The following UGT1A8 variants were observed in gnomAD, a reference collection of about 807,000 sequenced individuals.
UGT1A8 encodes the protein UDP-glucuronosyltransferase 1A8.
UGT1A8 carries 39 observed loss-of-function variants against 45.3 expected under a neutral mutation model. The ratio of observed to expected loss-of-function variants is 0.86; its 90% confidence interval spans 0.67 to 1.12. UGT1A8 has a LOEUF of 1.12. UGT1A8 is among the 50% of genes most tolerant of loss of function. UGT1A8 has a pLI of 0.00. For missense variants in UGT1A8, 719 were observed against 664.9 expected, an observed-to-expected ratio of 1.08 and a Z score of -0.90; for synonymous variants, 275 against 249.2, an observed-to-expected ratio of 1.10 and a Z score of -0.97.
In UGT1A8 at chr2:233,768,390, A is replaced by G. The variant is rs774573761; in HGVS notation, c.1246A>G (p.Thr416Ala). ...AGVTLNVLEM[T>A]SEDLENALKA... Reference sequence around the variant, plus strand: ...AGTGACCCTGAATGTTCTGGAAATGACTTCTGAAGATTTAGAAAATGCTCT... The same window carrying G: ...AGTGACCCTGAATGTTCTGGAAATGGCTTCTGAAGATTTAGAAAATGCTCT... The change falls in exon 4 of 5, where the codon ACT becomes GCT. Residue 416 changes from threonine (T) to alanine (A), a missense_variant. Thr to Ala is a moderately conservative substitution (Grantham distance 58, BLOSUM62 0). Coordinates refer to ENST00000373450, the MANE Select transcript of UGT1A8 (RefSeq NM_019076.5). The G allele has an allele frequency of 6.2e-7, 1 of 1,614,202 alleles. No homozygotes were observed. Among genetic ancestry groups the G allele is most frequent in the South Asian group, 1.1e-5 (1 of 91,080 alleles).
At chr2:233,705,712 T>A (rs2125601451) in intron 1 of UGT1A8, among the ~76,000 whole-genome samples, 1 of 152,350 alleles carries the variant, frequency 6.6e-6, no homozygotes, top group Admixed American at 6.5e-5. Flanking sequence ...ACCAGTATAT[T>A]GTTATCTTTT....
chr2:233,693,423 A>G (rs769066377), intron 1 of UGT1A8: 10 of 1,614,114 alleles, frequency 6.2e-6, no homozygotes, highest in Non-Finnish European at 8.5e-6. Flanking sequence ...AACTTCTTTA[A>G]GGAGAGCAAG....
chr2:233,725,634 A>G (rs2077463990), intron 1 of UGT1A8, among the ~76,000 whole-genome samples: 1 of 152,208 alleles, frequency 6.6e-6, no homozygotes, highest in Non-Finnish European at 1.5e-5. Flanking sequence ...TCTAGCATAT[A>G]TCTGACATTT....
chr2:233,643,452 G>C (rs1246752883), intron 1 of UGT1A8, among the ~76,000 whole-genome samples: 1 of 152,014 alleles, frequency 6.6e-6, no homozygotes, highest in African/African-American at 2.4e-5. Flanking sequence ...AAGGCAGTGG[G>C]CTCCCCTCTA....
At chr2:233,673,894 T>C (rs993118283) in intron 1 of UGT1A8, among the ~76,000 whole-genome samples, 1 of 152,240 alleles carries the variant, frequency 6.6e-6, no homozygotes, top group Non-Finnish European at 1.5e-5. Context: ...TTTATACCAC[T>C]TATTTTGCTT....
At chr2:233,678,564 T>C (rs911600844) in intron 1 of UGT1A8, among the ~76,000 whole-genome samples, 10 of 152,200 alleles carry the variant, frequency 6.6e-5, no homozygotes, top group African/African-American at 2.4e-4. Flanking sequence ...TATACAGTAC[T>C]AATCCTTCTT....
At position 233,725,224 on chromosome 2, in the gene UGT1A8, CAGAGGCAGA is replaced by C. The variant is rs1559370411; in HGVS notation, c.856-41809_856-41801del. On this transcript the variant is annotated intron_variant, in intron 1 of 4. Transcript: ENST00000373450. ...GAGGCAGAGGCAGAGGCAGAGGAGG[CAGAGGCAGA>C]GGAGGCAGAGGCAGAGGAGGCAGAG... Among the ~76,000 whole-genome samples the C allele has an allele frequency of 9.6e-4, 83 of 86,752 alleles. 33 individuals carry two copies. The highest frequency in any genetic ancestry group is 6.1e-3 in the African/African-American group (72 of 11,874). The allele number at this position is 86,752 out of a possible 152,430, so 56.9% of individuals were successfully genotyped here. A position where few individuals can be genotyped will look rare whatever the true frequency, so the allele number is the denominator to read the frequency against.
intron 1 of UGT1A8, among the ~76,000 whole-genome samples, chr2:233,751,808 C>G (rs1373463775): frequency 6.6e-6 from 1 of 152,150 alleles, no homozygotes; most frequent in Non-Finnish European, 1.5e-5. Flanking sequence ...TTGTAAGTTT[C>G]CTGAGGCCTC....
intron 1 of UGT1A8, chr2:233,682,219 C>T (rs150285310): frequency 2.9e-5 from 47 of 1,614,142 alleles, no homozygotes; most frequent in African/African-American, 2.4e-4. Context: ...TGGTTTTTGC[C>T]GATGCTCGCT....
At chr2:233,677,408 T>C (rs1334308913) in intron 1 of UGT1A8, among the ~76,000 whole-genome samples, 1 of 152,188 alleles carries the variant, frequency 6.6e-6, no homozygotes, top group African/African-American at 2.4e-5. Flanking sequence ...CTTTTGATTC[T>C]CCAAAAACTT....
At chr2:233,618,780 A>C (rs1266638166) in intron 1 of UGT1A8, among the ~76,000 whole-genome samples, 1 of 152,198 alleles carries the variant, frequency 6.6e-6, no homozygotes, top group Non-Finnish European at 1.5e-5. Flanking sequence ...AAAATTGTAG[A>C]TCGTATTCAG....
rs2072995370 is a variant in UGT1A8 at position 233,621,112 on chromosome 2, G to T, written c.855+2550G>T. ...GGATGTAATTAAATACTTTAACAAA[G>T]ATGGCAGATGGCCCCATCTCCAACG... On this transcript the variant is annotated intron_variant, in intron 1 of 4. Coordinates refer to ENST00000373450, the MANE Select transcript of UGT1A8 (RefSeq NM_019076.5). 2.0e-5 allele frequency among the ~76,000 whole-genome samples: 3 copies of T among 152,114 alleles called. No individual in the cohort carries two copies. In the South Asian group the frequency reaches 6.2e-4, roughly 32 times the overall value.
At chr2:233,643,054 C>G (rs2073497275) in intron 1 of UGT1A8, among the ~76,000 whole-genome samples, 1 of 152,190 alleles carries the variant, frequency 6.6e-6, no homozygotes, top group African/African-American at 2.4e-5. Flanking sequence ...CACCTCCTGG[C>G]TACTGCCTAT....
chr2:233,672,029 C>G (rs2074207677), intron 1 of UGT1A8: 5 of 1,614,058 alleles, frequency 3.1e-6, no homozygotes, highest in Non-Finnish European at 3.4e-6. Context: ...CTGGTAGTGC[C>G]CATGGATGGG....
At chr2:233,671,097 G>T (rs1377285220) in intron 1 of UGT1A8, among the ~76,000 whole-genome samples, 1 of 152,162 alleles carries the variant, frequency 6.6e-6, no homozygotes, top group Non-Finnish European at 1.5e-5. Context: ...CATCACCTCT[G>T]ACCTCAAGGA....
intron 1 of UGT1A8, chr2:233,713,838 A>G (rs919092029): frequency 6.2e-7 from 1 of 1,613,974 alleles, no homozygotes. Context: ...CAACTGTGCC[A>G]ACGGGAAGCC....
At chr2:233,661,929 T>C (rs536415918) in intron 1 of UGT1A8, among the ~76,000 whole-genome samples, 1 of 152,210 alleles carries the variant, frequency 6.6e-6, no homozygotes, top group South Asian at 2.1e-4. Context: ...AGATCAGTGT[T>C]TACTGTGATA....
At chr2:233,732,713 G>A (rs556397438) in intron 1 of UGT1A8, among the ~76,000 whole-genome samples, 41 of 149,102 alleles carry the variant, frequency 2.7e-4, no homozygotes, top group African/African-American at 1.0e-3. Flanking sequence ...CTGTAGCCTT[G>A]TAGTACAGTT....
chr2:233,729,788 C>G, intron 1 of UGT1A8: 1 of 1,613,954 alleles, frequency 6.2e-7, no homozygotes, highest in Non-Finnish European at 8.5e-7. Flanking sequence ...CTGGCCCTGT[C>G]CTACATTTGC....
Sources: allele counts gnomAD v4.1 joint callset (sites outside exome capture counted in the v4.1 genomes callset), GRCh38; gene constraint gnomAD v4.1.1; transcripts MANE v1.5; gene names NCBI Gene and HGNC (gene_info 2026-07-23, HGNC 2026-07-21).